The following OR7E24 variants were observed in gnomAD, a reference collection of about 807,000 sequenced individuals.
OR7E24 encodes olfactory receptor family 7 subfamily E member 24.
For synonymous variants in OR7E24, 130 were observed against 157.5 expected, an observed-to-expected ratio of 0.83 and a Z score of 1.31; for missense variants, 385 against 410.3, an observed-to-expected ratio of 0.94 and a Z score of 0.53.
At chr19:9,236,275 G>A in the OR7E24 span, 1 of 485,172 alleles carries the variant, frequency 2.1e-6, no homozygotes. Context: ...CACTTTGGGA[G>A]GCAGAGGCGG....
the OR7E24 span, among the ~76,000 whole-genome samples, chr19:9,218,246 C>T: frequency 6.7e-6 from 1 of 149,116 alleles, no homozygotes; most frequent in African/African-American, 2.5e-5. Flanking sequence ...TGAATATAGA[C>T]ATAAATTTAA....
At chr19:9,246,060 C>CTTT (rs58590446), upstream of OR7E24, among the ~76,000 whole-genome samples, 4 of 38,898 alleles carry the variant, frequency 1.0e-4, no homozygotes, top group African/African-American at 2.3e-4. Context: ...TATCAATGTG[C>CTTT]TTTTTTTTTT....
At chr19:9,236,771 C>T in the OR7E24 span, among the ~76,000 whole-genome samples, 2 of 152,020 alleles carry the variant, frequency 1.3e-5, no homozygotes, top group Non-Finnish European at 2.9e-5. Flanking sequence ...TGCTGACACG[C>T]GTCCTCGAAA....
chr19:9,249,408 C>G (rs952671986), upstream of OR7E24, among the ~76,000 whole-genome samples: 2 of 152,162 alleles, frequency 1.3e-5, no homozygotes, highest in African/African-American at 4.8e-5. Context: ...TACTTTCATT[C>G]CTTCCAGGAA....
the OR7E24 span, among the ~76,000 whole-genome samples, chr19:9,224,489 C>T: frequency 1.3e-5 from 2 of 152,098 alleles, no homozygotes; most frequent in Non-Finnish European, 2.9e-5. Flanking sequence ...GGCATGGTGG[C>T]TCACACCTGT....
At chr19:9,218,969 C>T in the OR7E24 span, among the ~76,000 whole-genome samples, 1 of 152,012 alleles carries the variant, frequency 6.6e-6, no homozygotes, top group African/African-American at 2.4e-5. Context: ...AATTGGACTG[C>T]ATGTTGAATG....
rs766953820 is a variant in OR7E24 at position 9,251,720 on chromosome 19, G to A, written c.677G>A (p.Cys226Tyr). Residue 226 changes from cysteine (C) to tyrosine (Y), a missense_variant, in exon 1 of 1, where the codon TGT becomes TAT. Physicochemically the swap from Cys to Tyr is radical, Grantham distance 194. Coordinates refer to ENST00000456448, the MANE Select transcript of OR7E24 (RefSeq NM_001079935.2). ...TATTTCATGGGTGCCATATTTGGCT[G>A]TCTCCCTATCTCAGGGATCCTTTTC... The part of the protein sequence containing the change: ...VIYFMGAIFG[C>Y]LPISGILFSY... The A allele has an allele frequency of 6.2e-7, 1 of 1,613,300 alleles. No individual in the cohort carries two copies. Among genetic ancestry groups the A allele is most frequent in the South Asian group, 1.1e-5 (1 of 91,002 alleles).
the OR7E24 span, among the ~76,000 whole-genome samples, chr19:9,238,108 C>G: frequency 6.6e-6 from 1 of 152,010 alleles, no homozygotes; most frequent in South Asian, 2.1e-4. Flanking sequence ...GAAATCCCAT[C>G]TCTAATAAAA....
chr19:9,225,253 C>G, the OR7E24 span, among the ~76,000 whole-genome samples: 3,874 of 152,122 alleles, frequency 0.025, 161 homozygotes, highest in African/African-American at 0.087. Flanking sequence ...GCCTGTAATC[C>G]CAGCTACTCG....
At chr19:9,239,179 T>C in the OR7E24 span, among the ~76,000 whole-genome samples, 2 of 152,144 alleles carry the variant, frequency 1.3e-5, no homozygotes, top group African/African-American at 4.8e-5. Flanking sequence ...TTCAACTTTT[T>C]TTTTTTTTGA....
At chr19:9,220,157 C>A in the OR7E24 span, among the ~76,000 whole-genome samples, 2 of 151,800 alleles carry the variant, frequency 1.3e-5, no homozygotes, top group Non-Finnish European at 2.9e-5. Context: ...AATTAACATA[C>A]GCATTATCTC....
the OR7E24 span, among the ~76,000 whole-genome samples, chr19:9,223,797 A>C: frequency 5.0e-3 from 749 of 150,474 alleles, 10 homozygotes; most frequent in African/African-American, 0.017. Flanking sequence ...CCTAGGTACA[A>C]GCTAAAGGCG....
the OR7E24 span, chr19:9,213,871 G>T: frequency 1.3e-6 from 2 of 1,524,002 alleles, no homozygotes; most frequent in South Asian, 1.1e-5. Context: ...TACGCAGTGT[G>T]TCCTCTTAGT....
chr19:9,242,170 G>A, the OR7E24 span, among the ~76,000 whole-genome samples: 1 of 152,154 alleles, frequency 6.6e-6, no homozygotes, highest in Non-Finnish European at 1.5e-5. Context: ...TCAAGGCAAC[G>A]TGTTTCCCTT....
chr19:9,227,745 A>ATTTTTTTTT, the OR7E24 span, among the ~76,000 whole-genome samples: 2 of 121,716 alleles, frequency 1.6e-5, no homozygotes, highest in East Asian at 2.5e-4. Flanking sequence ...GTAGAATGGT[A>ATTTTTTTTT]TTTCTTTTTT....
chr19:9,244,053 C>A (rs748394136), upstream of OR7E24, among the ~76,000 whole-genome samples: 1 of 152,226 alleles, frequency 6.6e-6, no homozygotes, highest in Non-Finnish European at 1.5e-5. Flanking sequence ...TGGGATTCAA[C>A]AGCCTCTCCA....
At chr19:9,220,053 T>A in the OR7E24 span, among the ~76,000 whole-genome samples, 1 of 151,866 alleles carries the variant, frequency 6.6e-6, no homozygotes, top group Non-Finnish European at 1.5e-5. Flanking sequence ...CAAATTATTT[T>A]TATATATTTT....
the OR7E24 span, chr19:9,210,709 A>ACACACACAACACACAC: frequency 9.4e-6 from 1 of 106,452 alleles, no homozygotes; most frequent in East Asian, 2.9e-4. Context: ...CACACACACA[A>ACACACACAACACACAC]CACACACAAC....
the OR7E24 span, among the ~76,000 whole-genome samples, chr19:9,226,920 G>T: frequency 2.5e-4 from 38 of 152,094 alleles, no homozygotes; most frequent in Non-Finnish European, 4.3e-4. Context: ...TAAGCTCAGG[G>T]GTACAAGTGC....
Sources: gnomAD v4.1 joint callset for allele counts (sites outside exome capture counted in the v4.1 genomes callset) on GRCh38, gnomAD v4.1.1 for gene constraint, MANE v1.5 for transcripts, NCBI Gene and HGNC (gene_info 2026-07-23, HGNC 2026-07-21) for gene names.